The following GLIS3 variants were observed in gnomAD, a reference collection of about 807,000 sequenced individuals.
GLIS3 encodes GLIS family zinc finger 3.
A neutral mutation model predicts 78.6 loss-of-function variants in GLIS3; 53 were observed. The observed-to-expected ratio is 0.67, with a 90% confidence interval of 0.54 to 0.85. The LOEUF (loss-of-function observed/expected upper bound fraction) is 0.85. Among genes scored for constraint, GLIS3 ranks in the 40% least tolerant of loss-of-function variants. The pLI, the probability that GLIS3 is intolerant of heterozygous loss-of-function variation, is 0.00. For synonymous variants in GLIS3, 684 were observed against 509.9 expected (o/e 1.34, Z -4.60); for missense variants, 1,703 against 1,231.1 (o/e 1.38, Z -5.74).
intron 4 of GLIS3, among the ~76,000 whole-genome samples, chr9:4,099,431 G>C (rs1830202247): frequency 6.6e-6 from 1 of 150,534 alleles, no homozygotes; most frequent in African/African-American, 2.5e-5. Context: ...CCGAGCCTCT[G>C]TCTTTGCACA....
At chr9:4,181,069 T>A (rs1282958904) in intron 2 of GLIS3, among the ~76,000 whole-genome samples, 3 of 152,208 alleles carry the variant, frequency 2.0e-5, no homozygotes, top group African/African-American at 7.2e-5. Flanking sequence ...GGCACAGGCA[T>A]GTCATTCGTA....
intron 2 of GLIS3, among the ~76,000 whole-genome samples, chr9:4,224,926 G>A (rs1017283393): frequency 4.0e-5 from 6 of 151,732 alleles, no homozygotes; most frequent in South Asian, 4.2e-4. Flanking sequence ...TTTAGATCAC[G>A]ATTATCACTA....
intron 2 of GLIS3, among the ~76,000 whole-genome samples, chr9:4,141,266 G>A (rs1047322235): frequency 6.6e-6 from 1 of 152,210 alleles, no homozygotes; most frequent in African/African-American, 2.4e-5. Flanking sequence ...ACAACAGTTT[G>A]ATGGTCCCTG....
At chr9:4,330,808 G>A (rs1336399053) in intron 2 of GLIS3, among the ~76,000 whole-genome samples, 4 of 152,160 alleles carry the variant, frequency 2.6e-5, no homozygotes, top group African/African-American at 7.2e-5. Flanking sequence ...TGCAATCGAT[G>A]CTGAGAGACT....
At chr9:3,851,624 A>G (rs1309260160) in intron 9 of GLIS3, among the ~76,000 whole-genome samples, 3 of 152,166 alleles carry the variant, frequency 2.0e-5, no homozygotes, top group Non-Finnish European at 4.4e-5. Context: ...AGAGCACACA[A>G]TGTCTAGGCT....
At chr9:4,117,635 A>G in intron 4 of GLIS3, 133 bp downstream of exon 4, 1 of 975,038 alleles carries the variant, frequency 1.0e-6, no homozygotes, top group Non-Finnish European at 1.7e-6. Flanking sequence ...CTCAAGCTGA[A>G]GGGGAACCCC....
At chr9:3,848,268 A>C (rs1321895494) in intron 9 of GLIS3, among the ~76,000 whole-genome samples, 2 of 152,208 alleles carry the variant, frequency 1.3e-5, no homozygotes, top group African/African-American at 4.8e-5. Flanking sequence ...TGGGAGGCCA[A>C]GGCAAGTGGA....
At position 4,165,529 on chromosome 9, in the gene GLIS3, G is replaced by A. The variant is rs116068375; in HGVS notation, c.389-39588C>T. Among the ~76,000 whole-genome samples, 908 of 152,318 alleles carry A rather than the reference G, an allele frequency of 6.0e-3. 10 individuals are homozygous for A. The highest frequency in any genetic ancestry group is 0.021 in the African/African-American group (874 of 41,560). The stretch of plus-strand genomic sequence containing the variant: ...TATTTGTTTACAGATAAATGCTTAT[G>A]AAAAATAGTTTCTACTATCCAGACC... On this transcript the variant is annotated intron_variant, in intron 2 of 10. Coordinates refer to ENST00000381971, the MANE Select transcript of GLIS3 (RefSeq NM_001042413.2).
At chr9:4,370,207 C>T in the GLIS3 span, among the ~76,000 whole-genome samples, 1 of 144,484 alleles carries the variant, frequency 6.9e-6, no homozygotes, top group African/African-American at 2.5e-5. Context: ...AAAAAAACAA[C>T]CAAAAAACAA....
At chr9:4,243,700 G>A (rs1278164830) in intron 2 of GLIS3, among the ~76,000 whole-genome samples, 1 of 152,182 alleles carries the variant, frequency 6.6e-6, no homozygotes, top group East Asian at 1.9e-4. Context: ...AAATCAAAAT[G>A]CCTCCCTGGC....
intron 7 of GLIS3, among the ~76,000 whole-genome samples, chr9:3,892,672 G>GT (rs200632098): frequency 0.033 from 4,880 of 149,850 alleles, 108 homozygotes; most frequent in Middle Eastern, 0.055. Flanking sequence ...AATAGGAACA[G>GT]TTTTTTTTTT....
At chr9:4,260,428 G>T (rs1045228028) in intron 2 of GLIS3, among the ~76,000 whole-genome samples, 6 of 151,988 alleles carry the variant, frequency 3.9e-5, no homozygotes, top group African/African-American at 1.4e-4. Flanking sequence ...TTAGCTTGGC[G>T]TGGTGGCAGG....
chr9:3,953,760 GCTCTCTCTCTCTCTCTCTCT>G (rs71507912), intron 4 of GLIS3, among the ~76,000 whole-genome samples: 1 of 103,380 alleles, frequency 9.7e-6, no homozygotes, highest in African/African-American at 3.7e-5. Flanking sequence ...AATTAGATTT[GCTCTCTCTCTCTCTCTCTCT>G]CTCTCTCTCT....
At chr9:4,139,446 G>C (rs1389476057) in intron 2 of GLIS3, among the ~76,000 whole-genome samples, 1 of 152,234 alleles carries the variant, frequency 6.6e-6, no homozygotes, top group Non-Finnish European at 1.5e-5. Context: ...TGCTAAAGAA[G>C]ACTGAGGTCC....
chr9:3,952,652 G>A (rs1446911557), intron 4 of GLIS3, among the ~76,000 whole-genome samples: 1 of 152,162 alleles, frequency 6.6e-6, no homozygotes, highest in Non-Finnish European at 1.5e-5. Flanking sequence ...TTATCCAAAT[G>A]TCAAATTCTC....
At chr9:4,111,643 G>A (rs1388028732) in intron 4 of GLIS3, among the ~76,000 whole-genome samples, 2 of 152,210 alleles carry the variant, frequency 1.3e-5, no homozygotes. Context: ...GTAATTTATG[G>A]TGACATATAT....
the GLIS3 span, among the ~76,000 whole-genome samples, chr9:4,362,805 T>G: frequency 6.6e-6 from 1 of 152,100 alleles, no homozygotes; most frequent in Non-Finnish European, 1.5e-5. Context: ...CCTAGAGAGC[T>G]TGCCAGAGAA....
intron 5 of GLIS3, chr9:3,932,889 GA>G (rs1352000848): frequency 6.1e-6 from 2 of 326,598 alleles, no homozygotes; most frequent in South Asian, 5.2e-5. Flanking sequence ...AGAAAGTCCA[GA>G]AAAAAACTGG....
upstream of GLIS3, among the ~76,000 whole-genome samples, chr9:4,302,818 G>A (rs1404155488): frequency 6.6e-6 from 1 of 152,226 alleles, no homozygotes; most frequent in African/African-American, 2.4e-5. Flanking sequence ...GCACAATGAA[G>A]TTTGTAGGGA....
Sources: gnomAD v4.1 joint callset for allele counts (sites outside exome capture counted in the v4.1 genomes callset) on GRCh38, gnomAD v4.1.1 for gene constraint, MANE v1.5 for transcripts, NCBI Gene and HGNC (gene_info 2026-07-23, HGNC 2026-07-21) for gene names.